The following SUN1 variants were observed in gnomAD, a reference collection of about 807,000 sequenced individuals.
The protein encoded by SUN1 is SUN domain-containing protein 1.
SUN1 carries 61 observed loss-of-function variants against 103.2 expected under a neutral mutation model. The ratio of observed to expected loss-of-function variants is 0.59; its 90% confidence interval spans 0.48 to 0.73. The LOEUF (loss-of-function observed/expected upper bound fraction) is 0.73. SUN1 is among the 30% of genes least tolerant of loss of function. The probability of loss-of-function intolerance (pLI) is 0.00; values close to 1 mark genes in which losing one functional copy is unlikely to be tolerated. For synonymous variants in SUN1, 490 were observed against 425.7 expected, an observed-to-expected ratio of 1.15 and a Z score of -1.86; for missense variants, 1,052 against 1,034.6, an observed-to-expected ratio of 1.02 and a Z score of -0.23.
intron 16 of SUN1, among the ~76,000 whole-genome samples, chr7:867,633 G>A (rs1838060353): frequency 6.6e-6 from 1 of 152,200 alleles, no homozygotes; most frequent in African/African-American, 2.4e-5. Context: ...TCACTGGAGG[G>A]GCAGACTTCA....
chr7:817,911 A>G (rs933757088), intron 1 of SUN1, among the ~76,000 whole-genome samples: 2 of 151,670 alleles, frequency 1.3e-5, no homozygotes, highest in Non-Finnish European at 2.9e-5. Flanking sequence ...CTCCCATTTA[A>G]TGTTTGTTCT....
chr7:833,344 A>AC lies in SUN1; in HGVS notation c.77+745dup, dbSNP rs1396993125. 5 of 147,294 alleles carry AC rather than the reference A, an allele frequency of 3.4e-5. No homozygotes were observed. In the Admixed American group the frequency reaches 3.5e-4, roughly 10 times the overall value. 9.1% of individuals were successfully genotyped at this position (147,294 alleles called of 1,614,324 possible). ...TTCGTTTTTTTGGAGACAGAGTCTC[A>AC]CCGTCGCCCAGGCTAGAGTGCAGTG... On this transcript the variant is annotated intron_variant, in intron 1 of 18. Transcript: ENST00000401592.
chr7:829,242 C>G (rs542530108), upstream of SUN1, among the ~76,000 whole-genome samples: 2 of 152,162 alleles, frequency 1.3e-5, no homozygotes, highest in African/African-American at 4.8e-5. Context: ...GACAGGTGAC[C>G]GAGGCAGCCT....
rs1406967344 is a variant in SUN1 at position 860,074 on chromosome 7, G to A, written c.1525-54G>A. The A allele has an allele frequency of 1.9e-4, 299 of 1,597,090 alleles. 1 individual carries two copies. Among genetic ancestry groups the A allele is most frequent in the Non-Finnish European group, 2.1e-4 (251 of 1,169,772 alleles). ...GTATCTAAGATAATGGACCCGAACA[G>A]TGGAAGTGATTTAGTTAAAATAGGA... On this transcript the variant is annotated intron_variant, in intron 13 of 18. Coordinates refer to ENST00000401592, the MANE Select transcript of SUN1 (RefSeq NM_001130965.3).
chr7:817,131 C>G (rs1435326200), intron 1 of SUN1: 1 of 363,374 alleles, frequency 2.8e-6, no homozygotes, highest in South Asian at 2.6e-5. Flanking sequence ...GGTGGGAAGA[C>G]GGTTTTATTT....
chr7:820,228 A>G (rs1346141551), intron 1 of SUN1, among the ~76,000 whole-genome samples: 1 of 152,154 alleles, frequency 6.6e-6, no homozygotes, highest in Non-Finnish European at 1.5e-5. Context: ...CTTCCCATTT[A>G]TGTAGGTTGT....
At chr7:840,079 G>A (rs745384833) in intron 2 of SUN1, among the ~76,000 whole-genome samples, 1 of 152,188 alleles carries the variant, frequency 6.6e-6, no homozygotes, top group Non-Finnish European at 1.5e-5. Flanking sequence ...AAGAGCTTCC[G>A]TTCCAGTCAT....
At chr7:856,000 A>G (rs1053536408) in intron 11 of SUN1, among the ~76,000 whole-genome samples, 2 of 152,224 alleles carry the variant, frequency 1.3e-5, no homozygotes, top group South Asian at 2.1e-4. Context: ...CGGATGGCAC[A>G]GGCCAGCACG....
At chr7:832,658 G>A in intron 1 of SUN1, 57 bp downstream of exon 1, 3 of 1,445,620 alleles carry the variant, frequency 2.1e-6, no homozygotes, top group Non-Finnish European at 2.9e-6. Context: ...CGCTGTCGCG[G>A]TGGCGTGGAC....
intron 5 of SUN1, among the ~76,000 whole-genome samples, chr7:849,006 C>T (rs891787126): frequency 2.0e-5 from 3 of 152,150 alleles, no homozygotes; most frequent in African/African-American, 7.2e-5. Context: ...GGCTGGAGTG[C>T]AGTGGTGTGA....
chr7:862,339 A>G (rs549259398), intron 15 of SUN1, among the ~76,000 whole-genome samples: 109 of 152,296 alleles, frequency 7.2e-4, no homozygotes, highest in African/African-American at 2.6e-3. Context: ...GGACTCTGCC[A>G]TGTGGTTGCG....
At chr7:847,180 CTG>C (rs1554262918) in intron 5 of SUN1, among the ~76,000 whole-genome samples, 1 of 152,144 alleles carries the variant, frequency 6.6e-6, no homozygotes, top group Non-Finnish European at 1.5e-5. Context: ...CTCGGGTACT[CTG>C]TAGATGATTG....
At chr7:844,831 C>CCT (rs1288821470) in intron 5 of SUN1, among the ~76,000 whole-genome samples, 2 of 152,112 alleles carry the variant, frequency 1.3e-5, no homozygotes, top group Admixed American at 1.3e-4. Flanking sequence ...GGTGGGGGAG[C>CCT]CTGGAGCTGA....
upstream of SUN1, among the ~76,000 whole-genome samples, chr7:831,446 A>G (rs1014039584): frequency 1.3e-5 from 2 of 151,806 alleles, no homozygotes; most frequent in Admixed American, 6.6e-5. Flanking sequence ...TAATTTTTGT[A>G]TTTTTAGTAG....
intron 6 of SUN1, 142 bp from the exon 7 acceptor site, chr7:851,808 G>A (rs1015940802): frequency 1.3e-5 from 10 of 779,558 alleles, no homozygotes; most frequent in East Asian, 7.8e-5. Flanking sequence ...GCTTCCTGCC[G>A]TGGCGACTAG....
At chr7:849,622 T>C in intron 5 of SUN1, 1 of 1,508,222 alleles carries the variant, frequency 6.6e-7, no homozygotes, top group Non-Finnish European at 9.0e-7. Context: ...GGCTTCGTTT[T>C]CCTGTGGGCG....
At chr7:870,731 C>T (rs963027107) in intron 17 of SUN1, among the ~76,000 whole-genome samples, 1 of 152,188 alleles carries the variant, frequency 6.6e-6, no homozygotes, top group Non-Finnish European at 1.5e-5. Context: ...TTTCCCTTTT[C>T]CGCTTCCCTG....
chr7:849,921 A>G, intron 5 of SUN1: 1 of 1,593,302 alleles, frequency 6.3e-7, no homozygotes, highest in Non-Finnish European at 8.5e-7. Flanking sequence ...CCACACCTGC[A>G]GGCGACGACT....
At chr7:816,182 C>CAGACCCCCCCCCCAGGTGG (rs1562434792), upstream of SUN1, 6 of 245,240 alleles carry the variant, frequency 2.4e-5, no homozygotes, top group Non-Finnish European at 4.3e-5. Context: ...CTCCGCGATG[C>CAGACCCCCCCCCCAGGTGG]AGACCCCTCC....
Sources: gnomAD v4.1 joint callset for allele counts (sites outside exome capture counted in the v4.1 genomes callset) on GRCh38, gnomAD v4.1.1 for gene constraint, MANE v1.5 for transcripts, NCBI Gene and HGNC (gene_info 2026-07-23, HGNC 2026-07-21) for gene names.